The following TECPR2 variants were observed in gnomAD, a reference collection of about 807,000 sequenced individuals.
TECPR2 encodes tectonin beta-propeller repeat containing 2.
TECPR2 carries 65 observed loss-of-function variants against 138.1 expected under a neutral mutation model. The observed-to-expected ratio is 0.47, with a 90% CI of 0.39 to 0.58. The LOEUF is 0.58. TECPR2 is among the 20% of genes least tolerant of loss of function. The pLI is 0.00. For synonymous variants in TECPR2, 746 were observed against 749.8 expected, an observed-to-expected ratio of 0.99 and a Z score of 0.08; for missense variants, 1,553 against 1,824.5, an observed-to-expected ratio of 0.85 and a Z score of 2.71.
intron 17 of TECPR2, among the ~76,000 whole-genome samples, chr14:102,493,675 G>A (rs1235583405): frequency 6.6e-6 from 1 of 152,174 alleles, no homozygotes; most frequent in African/African-American, 2.4e-5. Flanking sequence ...CTGGGGACTC[G>A]GTCCTGGCAC....
intron 2 of TECPR2, among the ~76,000 whole-genome samples, chr14:102,393,022 G>T (rs74806867): frequency 5.6e-4 from 86 of 152,276 alleles, no homozygotes; most frequent in African/African-American, 2.0e-3. Context: ...CCTTCACTTA[G>T]GGTTAGGTCC....
intron 2 of TECPR2, 38 bp from the exon 3 acceptor site, chr14:102,407,300 C>T (rs1327503701): frequency 1.3e-6 from 2 of 1,555,568 alleles, no homozygotes; most frequent in Non-Finnish European, 1.7e-6. Flanking sequence ...TCAAAGCCTG[C>T]ATAGTTACAG....
At chr14:102,363,328 C>T (rs1246915137) in intron 1 of TECPR2, among the ~76,000 whole-genome samples, 1 of 152,164 alleles carries the variant, frequency 6.6e-6, no homozygotes, top group Admixed American at 6.5e-5. Context: ...CCTGGCTCGC[C>T]GCCCGCAGAA....
intron 2 of TECPR2, among the ~76,000 whole-genome samples, chr14:102,380,559 C>G (rs1887776812): frequency 1.3e-5 from 2 of 152,298 alleles, no homozygotes; most frequent in Non-Finnish European, 2.9e-5. Flanking sequence ...TCTACCTGGT[C>G]CCTCCTACGA....
chr14:102,496,208 G>T (rs1332770131), intron 17 of TECPR2, among the ~76,000 whole-genome samples: 1 of 152,236 alleles, frequency 6.6e-6, no homozygotes, highest in Non-Finnish European at 1.5e-5. Flanking sequence ...GCAGTGCCAG[G>T]CAGTGGGGGA....
At chr14:102,411,181 A>T (rs1888842526) in intron 4 of TECPR2, among the ~76,000 whole-genome samples, 2 of 152,268 alleles carry the variant, frequency 1.3e-5, no homozygotes, top group South Asian at 4.1e-4. Context: ...AGCAGCCCTG[A>T]GAAACATCGC....
intron 16 of TECPR2, among the ~76,000 whole-genome samples, chr14:102,462,656 C>T (rs933867079): frequency 7.2e-5 from 11 of 152,176 alleles, no homozygotes; most frequent in African/African-American, 2.7e-4. Flanking sequence ...TCCACCTGCC[C>T]CTCTCCAGCA....
At chr14:102,475,913 T>G (rs371833266) in intron 17 of TECPR2, among the ~76,000 whole-genome samples, 21 of 152,062 alleles carry the variant, frequency 1.4e-4, no homozygotes, top group Admixed American at 5.2e-4. Flanking sequence ...AAATGAGAGA[T>G]AGAAAAACTC....
chr14:102,394,925 G>A (rs1337523319), intron 2 of TECPR2, among the ~76,000 whole-genome samples: 3 of 152,002 alleles, frequency 2.0e-5, no homozygotes, highest in East Asian at 3.8e-4. Flanking sequence ...CACTCCCAGC[G>A]GCTTCCTGAC....
rs1254756946 is a variant in TECPR2, at chr14:102,376,867, C to T, written c.146C>T (p.Ala49Val). Residue 49 changes from alanine to valine, a missense_variant, in exon 2 of 20, where the codon GCG (alanine) becomes GTG (valine). Coordinates refer to ENST00000359520, the MANE Select transcript of TECPR2 (RefSeq NM_014844.5). Reference protein sequence around the residue: ...TALDTNGDYIAVGSSIGMLYL... With the variant: ...TALDTNGDYIVVGSSIGMLYL... ...CTCGACACCAACGGGGACTACATCG[C>T]GGTGGGCAGCAGCATCGGCATGCTC... 2.5e-6 allele frequency: 4 copies of T among 1,614,150 alleles called. No individual in the cohort carries two copies. Among genetic ancestry groups the T allele is most frequent in the Non-Finnish European group, 3.4e-6 (4 of 1,180,036 alleles).
chr14:102,381,907 C>T (rs1030043754), intron 2 of TECPR2, among the ~76,000 whole-genome samples: 14 of 152,238 alleles, frequency 9.2e-5, no homozygotes, highest in East Asian at 3.9e-4. Flanking sequence ...ATATCTAAGA[C>T]GAGTACAACA....
chr14:102,382,978 G>A (rs377142929), intron 2 of TECPR2, among the ~76,000 whole-genome samples: 4 of 152,058 alleles, frequency 2.6e-5, no homozygotes, highest in Admixed American at 1.3e-4. Context: ...GGCTGGTCTC[G>A]AACGCCAGAC....
intron 2 of TECPR2, among the ~76,000 whole-genome samples, chr14:102,398,444 C>A (rs181787471): frequency 1.3e-5 from 2 of 152,236 alleles, no homozygotes; most frequent in African/African-American, 4.8e-5. Context: ...TATCTGGAAG[C>A]TTCCCAGATT....
chr14:102,452,203 G>A (rs1268073043), intron 15 of TECPR2, among the ~76,000 whole-genome samples, 191 bp from the exon 16 acceptor site: 1 of 152,168 alleles, frequency 6.6e-6, no homozygotes, highest in Non-Finnish European at 1.5e-5. Flanking sequence ...TGTTAGTCAC[G>A]GTGTTTCCCT....
At chr14:102,414,570 G>T in intron 4 of TECPR2, 66 bp from the exon 5 acceptor site, 1 of 1,591,382 alleles carries the variant, frequency 6.3e-7, no homozygotes, top group East Asian at 2.2e-5. Flanking sequence ...ACACTGACTT[G>T]TCCTAAGGGA....
chr14:102,393,620 A>G (rs1347913334), intron 2 of TECPR2, among the ~76,000 whole-genome samples: 1 of 152,082 alleles, frequency 6.6e-6, no homozygotes, highest in African/African-American at 2.4e-5. Context: ...GTGCAGTGGC[A>G]TGATCTTGGC....
At chr14:102,424,818 A>G (rs1889270424) in intron 5 of TECPR2, among the ~76,000 whole-genome samples, 161 bp from the exon 6 acceptor site, 2 of 152,224 alleles carry the variant, frequency 1.3e-5, no homozygotes, top group African/African-American at 4.8e-5. Flanking sequence ...CAGGGATGAC[A>G]GTGTGGTTTG....
chr14:102,401,439 C>CAAAA (rs35011003), intron 2 of TECPR2, among the ~76,000 whole-genome samples: 1 of 57,070 alleles, frequency 1.8e-5, no homozygotes, highest in Non-Finnish European at 3.8e-5. Context: ...AACTCCATCT[C>CAAAA]AAAAAAAAAA....
intron 17 of TECPR2, among the ~76,000 whole-genome samples, chr14:102,467,513 C>T (rs1276805047): frequency 2.6e-5 from 4 of 151,766 alleles, no homozygotes; most frequent in East Asian, 1.9e-4. Context: ...TTAGGAGAGA[C>T]GGGGTTTCAC....
Sources: gnomAD v4.1 joint callset for allele counts (sites outside exome capture counted in the v4.1 genomes callset) on GRCh38, gnomAD v4.1.1 for gene constraint, MANE v1.5 for transcripts, NCBI Gene and HGNC (gene_info 2026-07-23, HGNC 2026-07-21) for gene names.